SIPA1L2: variants seen among roughly 807,000 people sequenced by gnomAD.
SIPA1L2 encodes the protein signal induced proliferation associated 1 like 2.
A neutral mutation model predicts 163.9 loss-of-function variants in SIPA1L2; 56 were observed. That is an observed-to-expected ratio of 0.34 (90% CI 0.28 to 0.43). The LOEUF is 0.43. Among genes scored for constraint, SIPA1L2 ranks in the 20% least tolerant of loss-of-function variants. The probability of loss-of-function intolerance (pLI) is 1.00; values close to 1 mark genes in which losing one functional copy is unlikely to be tolerated. For synonymous variants in SIPA1L2, 877 were observed against 865.7 expected (o/e 1.01, Z -0.23); for missense variants, 1,974 against 2,193.5 (o/e 0.90, Z 2.00).
chr1:232,541,510 T>C lies in SIPA1L2; in HGVS notation c.-269-25902A>G, dbSNP rs571586667. Among the ~76,000 whole-genome samples, 55 of 152,282 alleles carry C rather than the reference T, an allele frequency of 3.6e-4. 1 individual carries two copies. Among genetic ancestry groups the C allele is most frequent in the Non-Finnish European group, 1.8e-4 (12 of 68,016 alleles). On this transcript the variant is annotated intron_variant, in intron 2 of 22. Transcript: ENST00000674635. ...TTTGATGAACCAGATAGATAATTTA[T>C]TTTTCCCCAAAAACTCCAGGTTCAC...
At chr1:232,554,528 T>C (rs1436992722) in intron 2 of SIPA1L2, among the ~76,000 whole-genome samples, 1 of 152,240 alleles carries the variant, frequency 6.6e-6, no homozygotes. Flanking sequence ...CTTTAGTCTT[T>C]CTCAGGATAC....
At chr1:232,411,093 A>C (rs1228757264) in intron 19 of SIPA1L2, among the ~76,000 whole-genome samples, 1 of 152,194 alleles carries the variant, frequency 6.6e-6, no homozygotes, top group African/African-American at 2.4e-5. Flanking sequence ...TGAATTAAGG[A>C]GGGTGTTCTG....
chr1:232,591,093 G>A (rs755368909), intron 1 of SIPA1L2, among the ~76,000 whole-genome samples: 10 of 152,304 alleles, frequency 6.6e-5, no homozygotes, highest in South Asian at 4.1e-4. Context: ...AGTGCTCACC[G>A]TCTCTCTTGG....
chr1:232,488,720 G>A (rs185166687), intron 5 of SIPA1L2, among the ~76,000 whole-genome samples: 2 of 152,194 alleles, frequency 1.3e-5, no homozygotes, highest in Admixed American at 6.5e-5. Context: ...GTAAATAGGT[G>A]TTCAGCAAAA....
Position 232,439,388 on chromosome 1 carries a change from C to T in SIPA1L2, c.3751G>A (p.Glu1251Lys), listed in dbSNP as rs757818683. 61 of 1,614,072 alleles carry T rather than the reference C, an allele frequency of 3.8e-5. No homozygotes were observed. The highest frequency in any genetic ancestry group is 9.3e-5 in the African/African-American group (7 of 74,914). Residue 1251 changes from glutamate (E) to lysine (K), a missense_variant, in exon 15 of 23, where the codon GAA becomes AAA. Transcript: ENST00000674635. Reference protein sequence around the residue: ...HFGSGDLMDPELLGLTYIKGA... With the variant: ...HFGSGDLMDPKLLGLTYIKGA... ...TTGATGTAGGTCAGCCCCAGTAATT[C>T]GGGGTCCATCAGGTCGCCAGACCCA...
At chr1:232,555,506 C>T (rs1043136544) in intron 2 of SIPA1L2, among the ~76,000 whole-genome samples, 2 of 152,158 alleles carry the variant, frequency 1.3e-5, no homozygotes, top group Admixed American at 6.5e-5. Context: ...GTTGCTCCAC[C>T]ATATATAGGC....
intron 6 of SIPA1L2, among the ~76,000 whole-genome samples, chr1:232,482,443 GA>G (rs61073207): frequency 0.27 from 37,504 of 138,972 alleles, 4,756 homozygotes; most frequent in Admixed American, 0.36. Flanking sequence ...AGAGGAGTTT[GA>G]AAAAAAAAAA....
Position 232,514,149 on chromosome 1 carries a change from C to G in SIPA1L2, c.1191G>C (p.Glu397Asp). Residue 397 changes from glutamate to aspartate, a missense_variant, in exon 3 of 23, where the codon GAG (glutamate) becomes GAC (aspartate). Glu to Asp is a conservative substitution (Grantham distance 45, BLOSUM62 2). This residue lies in a region of SIPA1L2 where 607 missense variants were observed against 624.0 expected (regional missense o/e 0.97). Transcript: ENST00000674635. ...CGAGGTCGTTACTTTTCCCATCACC[C>G]TCATCGGCATCCAGGTTCTCTTTGG... ...LNSKENLDAD[E>D]GDGKSNDLVL... 1 of 1,614,230 alleles carries G rather than the reference C, an allele frequency of 6.2e-7. No individual in the cohort carries two copies. Among genetic ancestry groups the G allele is most frequent in the Admixed American group, 1.7e-5 (1 of 60,030 alleles).
Position 232,425,651 on chromosome 1 carries a change from G to A in SIPA1L2, c.4568C>T (p.Pro1523Leu). 5 of 1,613,058 alleles carry A rather than the reference G, an allele frequency of 3.1e-6. No individual in the cohort carries two copies. Among genetic ancestry groups the A allele is most frequent in the Non-Finnish European group, 4.2e-6 (5 of 1,179,700 alleles). The change falls in exon 18 of 23, where the codon CCA becomes CTA. Residue 1523 changes from proline to leucine, a missense_variant. Physicochemically the swap from Pro to Leu is moderately conservative, Grantham distance 98 (BLOSUM62 -3). Around this residue, in one of 3 missense-constraint regions of SIPA1L2, gnomAD observed 1,079 missense variants for 1,150.7 expected, o/e 0.94. Transcript: ENST00000674635. ...CGGAGGCAGCGTGCTGTGGTAGGGT[G>A]GGGTGGTGCTGAACAGAATGTCGTT... ...LPNDILFSTT[P>L]PYHSTLPPRA...
chr1:232,445,506 T>G (rs539344472), intron 11 of SIPA1L2, 23 bp downstream of exon 11: 1 of 1,612,872 alleles, frequency 6.2e-7, no homozygotes, highest in African/African-American at 1.3e-5. Flanking sequence ...GGGCCCCCCT[T>G]GAGGAAACGG....
intron 22 of SIPA1L2, among the ~76,000 whole-genome samples, chr1:232,400,691 T>A (rs1315224570): frequency 6.6e-6 from 1 of 152,098 alleles, no homozygotes; most frequent in Non-Finnish European, 1.5e-5. Context: ...TTTCTCCCCA[T>A]CCCACTCCTG....
chr1:232,560,157 TA>T (rs1284332431), intron 2 of SIPA1L2, among the ~76,000 whole-genome samples: 1 of 152,236 alleles, frequency 6.6e-6, no homozygotes, highest in African/African-American at 2.4e-5. Context: ...TTTGTGTTTT[TA>T]AAAACAGTTT....
chr1:232,629,501 T>C (rs1202601676), intron 1 of SIPA1L2, among the ~76,000 whole-genome samples: 2 of 152,140 alleles, frequency 1.3e-5, no homozygotes, highest in African/African-American at 4.8e-5. Flanking sequence ...GGAAGCTGCG[T>C]CGGGCAACCG....
chr1:232,495,658 G>A (rs1431102425), intron 3 of SIPA1L2, among the ~76,000 whole-genome samples: 2 of 152,080 alleles, frequency 1.3e-5, no homozygotes, highest in Non-Finnish European at 2.9e-5. Flanking sequence ...GTTTTAGTGG[G>A]TAATAAATCC....
intron 4 of SIPA1L2, among the ~76,000 whole-genome samples, chr1:232,492,906 T>A (rs1483499978): frequency 1.3e-5 from 2 of 152,112 alleles, no homozygotes; most frequent in African/African-American, 4.8e-5. Flanking sequence ...TGAGAAGGAA[T>A]AATTGTTGCA....
At chr1:232,425,954 A>T (rs1661874846) in intron 17 of SIPA1L2, 146 bp from the exon 18 acceptor site, 1 of 693,714 alleles carries the variant, frequency 1.4e-6, no homozygotes, top group Admixed American at 2.7e-5. Flanking sequence ...CAAACGCAGC[A>T]TGCAGGGGAT....
intron 9 of SIPA1L2, chr1:232,462,274 G>C (rs777671164): frequency 7.1e-6 from 11 of 1,550,406 alleles, no homozygotes; most frequent in Middle Eastern, 1.7e-4. Context: ...CTATCTGTGG[G>C]AATTTCAAGT....
chr1:232,544,954 A>G (rs1452836359), intron 2 of SIPA1L2, among the ~76,000 whole-genome samples: 1 of 152,210 alleles, frequency 6.6e-6, no homozygotes, highest in Non-Finnish European at 1.5e-5. Context: ...AGGCGTTAAC[A>G]GGAATTATAC....
chr1:232,561,671 G>A (rs1294761148), intron 2 of SIPA1L2: 3 of 152,216 alleles, frequency 2.0e-5, no homozygotes, highest in South Asian at 2.1e-4. Context: ...CAAAAGCAGA[G>A]TACATGCTCT....
Sources: allele counts gnomAD v4.1 joint callset (sites outside exome capture counted in the v4.1 genomes callset), GRCh38; gene constraint gnomAD v4.1.1; regional missense constraint gnomAD v4.1.1; transcripts MANE v1.5; gene names NCBI Gene and HGNC (gene_info 2026-07-23, HGNC 2026-07-21).